MED14: variants seen among roughly 807,000 people sequenced by gnomAD.
MED14 encodes the protein mediator of RNA polymerase II transcription subunit 14.
A neutral mutation model predicts 109.0 loss-of-function variants in MED14; 8 were observed. The ratio of observed to expected loss-of-function variants is 0.07; its 90% confidence interval spans 0.04 to 0.13. The LOEUF is 0.13. Among genes scored for constraint, MED14 ranks in the 10% least tolerant of loss-of-function variants. The pLI is 1.00. For synonymous variants in MED14, 399 were observed against 408.7 expected (o/e 0.98, Z 0.29); for missense variants, 711 against 1,142.4 (o/e 0.62, Z 5.44).
chrX:40,721,964 C>T (rs1931736736), intron 3 of MED14, among the ~76,000 whole-genome samples: 1 of 111,634 alleles, frequency 9.0e-6, no homozygotes, highest in African/African-American at 3.3e-5. Context: ...GGCCTAAGTA[C>T]CTTTGAATAT....
At position 40,729,342 on chromosome X, in the gene MED14, C is replaced by G; in HGVS notation, c.219G>C (p.Leu73=). Residue 73 remains leucine (L), a synonymous_variant, in exon 2 of 31, where the codon CTG becomes CTC. Coordinates refer to ENST00000324817, the MANE Select transcript of MED14 (RefSeq NM_004229.4). ...YSELMVLTDL[L]PRKSDVERKI... ...ACCTTTCCACATCAGATTTCCTTGG[C>G]AGTCTAAGAAGAAAAAAAAAAAACG... is the stretch of plus-strand genomic sequence containing the variant. 1 of 1,180,695 alleles carries G rather than the reference C, an allele frequency of 8.5e-7. No individual in the cohort carries two copies. The highest frequency in any genetic ancestry group is 1.1e-6 in the Non-Finnish European group (1 of 885,346).
intron 15 of MED14, among the ~76,000 whole-genome samples, chrX:40,690,830 G>A (rs757898522): frequency 2.7e-5 from 3 of 112,224 alleles, no homozygotes; most frequent in Non-Finnish European, 5.6e-5. Context: ...CTATAACAGA[G>A]ACCACTTGAC....
chrX:40,663,703 GAA>G (rs1285142372), intron 25 of MED14, among the ~76,000 whole-genome samples: 1 of 112,552 alleles, frequency 8.9e-6, no homozygotes, highest in Non-Finnish European at 1.9e-5. Flanking sequence ...CCAACCTGCA[GAA>G]TTGTGAACCA....
At chrX:40,681,813 T>C (rs770301967) in intron 19 of MED14, 39 bp downstream of exon 19, 1 of 731,142 alleles carries the variant, frequency 1.4e-6, no homozygotes, top group South Asian at 2.7e-5. Context: ...ATTTTTAAGA[T>C]TCATAAGACA....
At chrX:40,732,709 C>T (rs768290802) in intron 1 of MED14, among the ~76,000 whole-genome samples, 5 of 107,431 alleles carry the variant, frequency 4.7e-5, no homozygotes, top group East Asian at 2.9e-4. Flanking sequence ...GAGCCCATGT[C>T]GAGAGGCTGC....
At chrX:40,660,293 G>A (rs1327192268) in intron 26 of MED14, among the ~76,000 whole-genome samples, 1 of 111,618 alleles carries the variant, frequency 9.0e-6, no homozygotes. Flanking sequence ...GAGTACAGAA[G>A]TTCATTATAC....
chrX:40,655,898 G>C (rs1036949458), intron 28 of MED14, among the ~76,000 whole-genome samples: 1 of 110,461 alleles, frequency 9.1e-6, no homozygotes, highest in African/African-American at 3.3e-5. Context: ...AAAGATCACC[G>C]TAAGACTGAA....
Position 40,649,933 on chromosome X carries a change from A to G in MED14, c.*1873T>C, listed in dbSNP as rs1225938189. The G allele has an allele frequency of 4.0e-6, 3 of 753,345 alleles. No homozygotes were observed. The highest frequency in any genetic ancestry group is 4.7e-6 in the Non-Finnish European group (3 of 637,047). 62.1% of individuals were successfully genotyped at this position (753,345 alleles called of 1,213,427 possible). A position where few individuals can be genotyped will look rare whatever the true frequency, so the allele number is the denominator to read the frequency against. On this transcript the variant is annotated 3_prime_UTR_variant, in exon 31 of 31. Transcript: ENST00000324817. ...AGTGTCCACTGAATGCATCATGTGT[A>G]AAAATGCAATTAACATTTCAAAACC...
chrX:40,731,740 TTCTCA>T (rs1408438255), intron 1 of MED14, among the ~76,000 whole-genome samples: 1 of 112,616 alleles, frequency 8.9e-6, no homozygotes, highest in East Asian at 2.7e-4. Flanking sequence ...ATCTGAATTA[TTCTCA>T]TCTAGCTATT....
In MED14 at chrX:40,651,747, A is replaced by C; in HGVS notation, c.*59T>G. 8.8e-7 allele frequency: 1 copy of C among 1,132,853 alleles called. No homozygotes were observed. The highest frequency in any genetic ancestry group is 1.2e-6 in the Non-Finnish European group (1 of 861,172). 93.4% of individuals were successfully genotyped at this position (1,132,853 alleles called of 1,213,427 possible). A position where few individuals can be genotyped will look rare whatever the true frequency, so the allele number is the denominator to read the frequency against. ...TTTTCCTTTTTTAAACTGAAGGCTGAATTCAGATTTTTTTTGTTGTCTCAT... is the reference window on the plus strand; with the variant it reads ...TTTTCCTTTTTTAAACTGAAGGCTGCATTCAGATTTTTTTTGTTGTCTCAT... On this transcript the variant is annotated 3_prime_UTR_variant, in exon 31 of 31. Coordinates refer to ENST00000324817, the MANE Select transcript of MED14 (RefSeq NM_004229.4).
chrX:40,715,533 TC>T (rs1483786797), intron 3 of MED14, among the ~76,000 whole-genome samples: 1 of 110,485 alleles, frequency 9.1e-6, no homozygotes, highest in Non-Finnish European at 1.9e-5. Flanking sequence ...AGGTCTGTAA[TC>T]CCAGCACTTT....
At chrX:40,719,495 GAATC>G (rs1460708662) in intron 3 of MED14, among the ~76,000 whole-genome samples, 1 of 110,915 alleles carries the variant, frequency 9.0e-6, no homozygotes, top group Non-Finnish European at 1.9e-5. Flanking sequence ...GCTACCACAT[GAATC>G]AATCTTGAAA....
At chrX:40,676,259 G>A (rs763886607) in intron 21 of MED14, among the ~76,000 whole-genome samples, 1 of 111,894 alleles carries the variant, frequency 8.9e-6, no homozygotes, top group Non-Finnish European at 1.9e-5. Flanking sequence ...GCTCCAGCCT[G>A]GGCGACAGAG....
intron 3 of MED14, among the ~76,000 whole-genome samples, chrX:40,716,260 C>T (rs1931518801): frequency 9.0e-6 from 1 of 110,624 alleles, no homozygotes; most frequent in South Asian, 3.9e-4. Flanking sequence ...TGAAGTACTA[C>T]AGCCACTACA....
intron 23 of MED14, 54 bp from the exon 24 acceptor site, chrX:40,666,905 T>C (rs757409950): frequency 5.7e-5 from 58 of 1,023,584 alleles, no homozygotes; most frequent in Non-Finnish European, 7.3e-5. Context: ...TTATGTCCTG[T>C]CCAAGGACCC....
intron 18 of MED14, 47 bp downstream of exon 18, chrX:40,682,556 C>CTT: frequency 6.1e-6 from 5 of 817,951 alleles, no homozygotes; most frequent in East Asian, 4.4e-5. Flanking sequence ...AGGGTGAGGG[C>CTT]TTTTTTTTTT....
In MED14 at chrX:40,680,902, G is replaced by T; in HGVS notation, c.2466C>A (p.Ile822=). 2.6e-6 allele frequency: 3 copies of T among 1,138,408 alleles called. No homozygotes were observed. The highest frequency in any genetic ancestry group is 2.0e-5 in the South Asian group (1 of 50,493). The allele number at this position is 1,138,408 out of a possible 1,213,427, so 93.8% of individuals were successfully genotyped here. The change falls in exon 20 of 31, where the codon ATC becomes ATA. Residue 822 remains isoleucine, a synonymous_variant. Coordinates refer to ENST00000324817, the MANE Select transcript of MED14 (RefSeq NM_004229.4). ...ATTTTTGATGGATCGAATTCCATTG[G>T]ATACTAATCTAAATAAAAAAGATTA... The part of the protein sequence containing the change: ...YGTTKGSSIS[I]QWNSIHQKFH...
chrX:40,699,257 T>C (rs754998464), intron 12 of MED14, among the ~76,000 whole-genome samples: 6 of 112,492 alleles, frequency 5.3e-5, no homozygotes, highest in Non-Finnish European at 1.1e-4. Context: ...GGAATGGTTA[T>C]TAACTATAAA....
chrX:40,721,365 C>T (rs946850737), intron 3 of MED14, among the ~76,000 whole-genome samples: 1 of 112,245 alleles, frequency 8.9e-6, no homozygotes, highest in Non-Finnish European at 1.9e-5. Context: ...TGCAGAACCC[C>T]TCCCATGAGC....
Sources: gnomAD v4.1 joint callset for allele counts (sites outside exome capture counted in the v4.1 genomes callset) on GRCh38, gnomAD v4.1.1 for gene constraint, MANE v1.5 for transcripts, NCBI Gene and HGNC (gene_info 2026-07-23, HGNC 2026-07-21) for gene names.